Variants in TMEM232 observed in about 807,000 individuals in gnomAD.
TMEM232 encodes the protein transmembrane protein 232.
In TMEM232, 80 loss-of-function variants were observed where a neutral mutation model predicts 78.8. The ratio of observed to expected loss-of-function variants is 1.01; its 90% confidence interval spans 0.85 to 1.22. TMEM232 has a LOEUF of 1.22. Ranked by LOEUF, TMEM232 falls within the 50% of genes most tolerant of loss-of-function variation. The probability of loss-of-function intolerance (pLI) is 0.00; values close to 1 mark genes in which losing one functional copy is unlikely to be tolerated. For missense variants in TMEM232, 881 were observed against 742.2 expected (o/e 1.19, Z -2.17); for synonymous variants, 297 against 254.3 (o/e 1.17, Z -1.60).
At chr5:110,493,628 A>G (rs1243982540) in intron 12 of TMEM232, among the ~76,000 whole-genome samples, 1 of 152,088 alleles carries the variant, frequency 6.6e-6, no homozygotes, top group Non-Finnish European at 1.5e-5. Flanking sequence ...ACTCTTATGG[A>G]AAAAATAACC....
intron 12 of TMEM232, among the ~76,000 whole-genome samples, chr5:110,434,705 GC>G (rs1402179471): frequency 6.6e-6 from 1 of 152,060 alleles, no homozygotes; most frequent in Non-Finnish European, 1.5e-5. Context: ...AAAATCCTCA[GC>G]AAAATACTAG....
intron 2 of TMEM232, among the ~76,000 whole-genome samples, chr5:110,647,295 T>TA (rs1202835972): frequency 2.6e-5 from 4 of 151,918 alleles, no homozygotes; most frequent in Admixed American, 2.6e-4. Flanking sequence ...TGTCAAGACT[T>TA]ACAGTGTTCA....
At chr5:110,670,198 G>C (rs902989409) in intron 1 of TMEM232, among the ~76,000 whole-genome samples, 4 of 152,144 alleles carry the variant, frequency 2.6e-5, no homozygotes, top group African/African-American at 9.7e-5. Flanking sequence ...AATTGTCCCT[G>C]TTTGCAGATG....
At chr5:110,489,361 A>G (rs1181788778) in intron 12 of TMEM232, among the ~76,000 whole-genome samples, 1 of 152,092 alleles carries the variant, frequency 6.6e-6, no homozygotes, top group Non-Finnish European at 1.5e-5. Context: ...GTGGTCTAAC[A>G]TCTGGAAATT....
intron 11 of TMEM232, among the ~76,000 whole-genome samples, chr5:110,551,949 G>T (rs1774523080): frequency 6.6e-6 from 1 of 151,742 alleles, no homozygotes; most frequent in African/African-American, 2.4e-5. Context: ...AAATTTAATG[G>T]CCAGGCTACC....
At position 110,732,381 on chromosome 5, in the gene TMEM232, G is replaced by A. The variant is rs1040447858; in HGVS notation, c.-13+2522C>T. Among the ~76,000 whole-genome samples the A allele has an allele frequency of 1.1e-4, 16 of 152,140 alleles. No homozygotes were observed. In the East Asian group the frequency reaches 3.1e-3, roughly 29 times the overall value. ...CCTACTCTATTGGTACCAACTCACTGTATTAGCGCATTTTCATGCTGCTGA... is the reference window on the plus strand; with the variant it reads ...CCTACTCTATTGGTACCAACTCACTATATTAGCGCATTTTCATGCTGCTGA... On this transcript the variant is annotated intron_variant, in intron 2 of 4. Coordinates refer to the TMEM232 transcript ENST00000512886.
At chr5:110,442,170 G>A (rs1759126303) in intron 12 of TMEM232, among the ~76,000 whole-genome samples, 1 of 151,956 alleles carries the variant, frequency 6.6e-6, no homozygotes, top group Non-Finnish European at 1.5e-5. Context: ...TCTAGGTTTG[G>A]GAAGTTCTAT....
chr5:110,528,557 GAAC>G, intron 12 of TMEM232, 28 bp downstream of exon 12: 1 of 1,493,684 alleles, frequency 6.7e-7, no homozygotes, highest in Non-Finnish European at 8.9e-7. Context: ...TAATGTATTA[GAAC>G]AATAAAACCG....
intron 1 of TMEM232, among the ~76,000 whole-genome samples, chr5:110,736,549 T>C (rs1380574948): frequency 6.6e-6 from 1 of 151,332 alleles, no homozygotes; most frequent in Non-Finnish European, 1.5e-5. Context: ...AATATTTTCA[T>C]GTCATTTAAT....
chr5:110,403,279 A>C (rs1755670921), intron 2 of TMEM232, among the ~76,000 whole-genome samples: 1 of 152,108 alleles, frequency 6.6e-6, no homozygotes, highest in Non-Finnish European at 1.5e-5. Context: ...AAATAGATCA[A>C]AGTGTTAAAA....
At chr5:110,663,506 T>A (rs1197525346) in intron 2 of TMEM232, among the ~76,000 whole-genome samples, 1 of 151,918 alleles carries the variant, frequency 6.6e-6, no homozygotes, top group African/African-American at 2.4e-5. Flanking sequence ...CTGGCAAAAA[T>A]TAATAAATCT....
At chr5:110,503,098 A>G (rs1171385616) in intron 12 of TMEM232, among the ~76,000 whole-genome samples, 1 of 147,842 alleles carries the variant, frequency 6.8e-6, no homozygotes, top group African/African-American at 2.7e-5. Context: ...AAGAGATTTC[A>G]GTTATGTTTA....
At chr5:110,580,709 C>G (rs1778109474) in intron 10 of TMEM232, among the ~76,000 whole-genome samples, 1 of 149,820 alleles carries the variant, frequency 6.7e-6, no homozygotes, top group Non-Finnish European at 1.5e-5. Flanking sequence ...AAGGCATATA[C>G]AGATCACATA....
At chr5:110,392,047 C>T (rs1419363835) in intron 3 of TMEM232, among the ~76,000 whole-genome samples, 1 of 152,158 alleles carries the variant, frequency 6.6e-6, no homozygotes, top group Non-Finnish European at 1.5e-5. Flanking sequence ...TTTGTATGTT[C>T]TACTAGTTAT....
Position 110,469,484 on chromosome 5 carries a change from T to C in TMEM232, c.1704-44568A>G, listed in dbSNP as rs74673083. ...AAGTTACACATTCCTCCTGGGGAAA[T>C]GGTGCCTTGGTGAAGCCACCCTATC... On this transcript the variant is annotated intron_variant, in intron 12 of 13. Transcript: ENST00000455884. Among the ~76,000 whole-genome samples, 814 of 152,298 alleles carry C rather than the reference T, an allele frequency of 5.3e-3. 3 individuals are homozygous for C. Among genetic ancestry groups the C allele is most frequent in the Middle Eastern group, 0.031 (9 of 294 alleles).
chr5:110,627,866 G>A lies in TMEM232; in HGVS notation c.516C>T (p.Val172=). The change falls in exon 6 of 14, where the codon GTC becomes GTT. Residue 172 remains valine (V), a synonymous_variant. Transcript: ENST00000455884. Reference sequence around the variant, plus strand: ...GGAAAAATATAAAAAGTCGTAAGAAGACCAAATAGCCAATCTGTCAAAAGA... The same window carrying A: ...GGAAAAATATAAAAAGTCGTAAGAAAACCAAATAGCCAATCTGTCAAAAGA... ...EIKLAKIGYL[V]FLRLFIFFLH... is the part of the protein sequence containing the mutation. 6 of 1,529,752 alleles carry A rather than the reference G, an allele frequency of 3.9e-6. No homozygotes were observed. The highest frequency in any genetic ancestry group is 5.3e-6 in the Non-Finnish European group (6 of 1,140,732). The allele number at this position is 1,529,752 out of a possible 1,614,324, so 94.8% of individuals were successfully genotyped here. A position where few individuals can be genotyped will look rare whatever the true frequency, so the allele number is the denominator to read the frequency against.
intron 12 of TMEM232, among the ~76,000 whole-genome samples, chr5:110,438,306 G>A (rs1326369243): frequency 1.3e-5 from 2 of 151,202 alleles, no homozygotes; most frequent in Non-Finnish European, 2.9e-5. Context: ...GGTCAGGTTT[G>A]GGCTGTGTCT....
intron 2 of TMEM232, among the ~76,000 whole-genome samples, chr5:110,406,546 A>G (rs1223588993): frequency 6.6e-6 from 1 of 152,094 alleles, no homozygotes; most frequent in African/African-American, 2.4e-5. Flanking sequence ...TTATTCAAAT[A>G]TGATGGATAA....
intron 13 of TMEM232, among the ~76,000 whole-genome samples, chr5:110,421,593 A>G (rs1756655197): frequency 6.6e-6 from 1 of 152,144 alleles, no homozygotes; most frequent in Admixed American, 6.6e-5. Flanking sequence ...TCTTTTTGTC[A>G]GCCTCAGCTC....
Sources: allele counts gnomAD v4.1 joint callset (sites outside exome capture counted in the v4.1 genomes callset), GRCh38; gene constraint gnomAD v4.1.1; transcripts MANE v1.5; gene names NCBI Gene and HGNC (gene_info 2026-07-23, HGNC 2026-07-21).